Variants in XPR1 observed in about 807,000 individuals in gnomAD.
XPR1 encodes the protein xenotropic and polytropic retrovirus receptor 1.
In XPR1, 28 loss-of-function variants were observed where a neutral mutation model predicts 87.5. That is an observed-to-expected ratio of 0.32 (90% CI 0.24 to 0.44). The LOEUF (loss-of-function observed/expected upper bound fraction) is 0.44, where lower values mean the gene tolerates loss of function less well. XPR1 is among the 20% of genes least tolerant of loss of function. XPR1 has a pLI of 1.00. For missense variants in XPR1, 559 were observed against 862.3 expected (o/e 0.65, Z 4.41); for synonymous variants, 300 against 306.1 (o/e 0.98, Z 0.21).
intron 2 of XPR1, among the ~76,000 whole-genome samples, chr1:180,691,803 C>G (rs1309578922): frequency 6.6e-6 from 1 of 152,118 alleles, no homozygotes; most frequent in African/African-American, 2.4e-5. Flanking sequence ...GGGTCTACTT[C>G]AAGCATCTTC....
chr1:180,801,706 GA>G (rs1649788950), intron 3 of XPR1, among the ~76,000 whole-genome samples: 1 of 151,838 alleles, frequency 6.6e-6, no homozygotes, highest in South Asian at 2.1e-4. Flanking sequence ...AGAATTATGA[GA>G]AAGCATAAGT....
At chr1:180,699,918 G>T (rs1436112714) in intron 2 of XPR1, among the ~76,000 whole-genome samples, 1 of 24,684 alleles carries the variant, frequency 4.1e-5, no homozygotes, top group Non-Finnish European at 7.2e-5. Context: ...TAACTGGTGT[G>T]AGATGATATC....
chr1:180,662,611 T>C (rs1462186196), intron 1 of XPR1, among the ~76,000 whole-genome samples: 2 of 152,216 alleles, frequency 1.3e-5, no homozygotes, highest in African/African-American at 2.4e-5. Context: ...TAATCTTCTT[T>C]GGTTTAATTC....
chr1:180,699,226 T>TA (rs1657273812), intron 2 of XPR1, among the ~76,000 whole-genome samples: 3 of 143,468 alleles, frequency 2.1e-5, no homozygotes, highest in Non-Finnish European at 3.0e-5. Flanking sequence ...TTTTTTTTTT[T>TA]ATTATACTCT....
intron 1 of XPR1, among the ~76,000 whole-genome samples, chr1:180,676,831 A>AAGAATGTGATCTT (rs1557951836): frequency 6.6e-6 from 1 of 152,236 alleles, no homozygotes; most frequent in Admixed American, 6.5e-5. Flanking sequence ...TAACATGTTT[A>AAGAATGTGATCTT]AGAATGTGAT....
chr1:180,634,519 G>A (rs938791260), intron 1 of XPR1, among the ~76,000 whole-genome samples: 2 of 151,954 alleles, frequency 1.3e-5, no homozygotes, highest in Non-Finnish European at 1.5e-5. Flanking sequence ...AAAACTTTGG[G>A]GAAAAAGGAC....
intron 1 of XPR1, among the ~76,000 whole-genome samples, chr1:180,651,128 C>G (rs955157750): frequency 6.7e-6 from 1 of 150,034 alleles, no homozygotes; most frequent in Middle Eastern, 3.2e-3. Context: ...TTTTTGAGAC[C>G]GAGTTTTGCT....
intron 7 of XPR1, among the ~76,000 whole-genome samples, chr1:180,815,070 A>G (rs1036341185): frequency 1.2e-4 from 18 of 152,138 alleles, no homozygotes; most frequent in Middle Eastern, 3.2e-3. Context: ...GTGCTATGTC[A>G]ATATAAGGTA....
intron 2 of XPR1, among the ~76,000 whole-genome samples, chr1:180,736,591 C>T (rs998905616): frequency 1.3e-5 from 2 of 152,068 alleles, no homozygotes; most frequent in African/African-American, 4.8e-5. Flanking sequence ...AGATAGAATG[C>T]CAAAATTCTG....
At chr1:180,761,369 C>T (rs61811190) in intron 2 of XPR1, among the ~76,000 whole-genome samples, 8,080 of 152,208 alleles carry the variant, frequency 0.053, 305 homozygotes, top group Non-Finnish European at 0.079. Flanking sequence ...GCAACCTACT[C>T]GTCTGACAAA....
At chr1:180,839,383 A>C (rs1270544147) in intron 11 of XPR1, among the ~76,000 whole-genome samples, 1 of 152,256 alleles carries the variant, frequency 6.6e-6, no homozygotes, top group Non-Finnish European at 1.5e-5. Flanking sequence ...CTCTTTGTCT[A>C]ATGCAACATA....
intron 1 of XPR1, among the ~76,000 whole-genome samples, chr1:180,654,297 C>G (rs1441023438): frequency 6.6e-6 from 1 of 152,114 alleles, no homozygotes; most frequent in African/African-American, 2.4e-5. Flanking sequence ...CAATAATCCT[C>G]AGATCTAATC....
chr1:180,707,797 A>C (rs1363426274), intron 2 of XPR1, among the ~76,000 whole-genome samples: 1 of 152,154 alleles, frequency 6.6e-6, no homozygotes, highest in Non-Finnish European at 1.5e-5. Context: ...TTTAACTTTT[A>C]TTTCTTAGTA....
chr1:180,655,096 T>C (rs553362385), intron 1 of XPR1, among the ~76,000 whole-genome samples: 7 of 152,286 alleles, frequency 4.6e-5, no homozygotes, highest in African/African-American at 1.4e-4. Flanking sequence ...TTTCCTGTTC[T>C]TTTTTTAAGC....
intron 2 of XPR1, among the ~76,000 whole-genome samples, chr1:180,703,345 A>G (rs1012290023): frequency 1.3e-5 from 2 of 152,100 alleles, no homozygotes; most frequent in African/African-American, 2.4e-5. Context: ...CCTAGACATC[A>G]TATATGTATG....
At chr1:180,876,906 T>C (rs1025909632) in intron 13 of XPR1, among the ~76,000 whole-genome samples, 1 of 152,066 alleles carries the variant, frequency 6.6e-6, no homozygotes, top group Non-Finnish European at 1.5e-5. Context: ...AAAAGAACTA[T>C]CATAATTGGA....
intron 1 of XPR1, among the ~76,000 whole-genome samples, chr1:180,659,026 G>A (rs1347445608): frequency 6.6e-6 from 1 of 152,096 alleles, no homozygotes; most frequent in East Asian, 1.9e-4. Context: ...ATTTTGTTGA[G>A]GATTTTTACA....
At chr1:180,834,487 T>G (rs897524919) in intron 9 of XPR1, among the ~76,000 whole-genome samples, 1 of 152,246 alleles carries the variant, frequency 6.6e-6, no homozygotes, top group African/African-American at 2.4e-5. Flanking sequence ...GCTCAAATAC[T>G]TGAAAAGTCA....
chr1:180,880,753 A>G (rs1652827825), intron 14 of XPR1, among the ~76,000 whole-genome samples: 1 of 150,008 alleles, frequency 6.7e-6, no homozygotes, highest in African/African-American at 2.4e-5. Context: ...TCATTATTAC[A>G]TAGAACTTGG....
Sources: gnomAD v4.1 joint callset for allele counts (sites outside exome capture counted in the v4.1 genomes callset) on GRCh38, gnomAD v4.1.1 for gene constraint, MANE v1.5 for transcripts, NCBI Gene and HGNC (gene_info 2026-07-23, HGNC 2026-07-21) for gene names.